LRIG1: variants seen among roughly 807,000 people sequenced by gnomAD.
The protein encoded by LRIG1 is leucine-rich repeats and immunoglobulin-like domains protein 1.
A neutral mutation model predicts 99.2 loss-of-function variants in LRIG1; 48 were observed. The ratio of observed to expected loss-of-function variants is 0.48; its 90% confidence interval spans 0.38 to 0.62. LRIG1 has a LOEUF of 0.62. Among genes scored for constraint, LRIG1 ranks in the 20% least tolerant of loss-of-function variants. LRIG1 has a pLI of 0.00. For missense variants in LRIG1, 1,646 were observed against 1,434.4 expected, an observed-to-expected ratio of 1.15 and a Z score of -2.38; for synonymous variants, 772 against 596.1, an observed-to-expected ratio of 1.29 and a Z score of -4.30.
At chr3:66,464,629 T>C (rs571558114) in intron 1 of LRIG1, among the ~76,000 whole-genome samples, 1 of 152,194 alleles carries the variant, frequency 6.6e-6, no homozygotes, top group African/African-American at 2.4e-5. Context: ...AAAGGGAACA[T>C]ATGTTTCTGG....
chr3:66,427,652 A>T (rs570169911), intron 3 of LRIG1, among the ~76,000 whole-genome samples: 134 of 152,306 alleles, frequency 8.8e-4, no homozygotes, highest in African/African-American at 1.9e-3. Context: ...AATTTTTTTT[A>T]AAATTGCAGC....
At chr3:66,412,838 C>A in intron 6 of LRIG1, 33 bp downstream of exon 6, 1 of 1,612,474 alleles carries the variant, frequency 6.2e-7, no homozygotes, top group East Asian at 2.2e-5. Context: ...CACAGCAATC[C>A]TTAGCAATGC....
At chr3:66,470,816 T>C (rs1352510534) in intron 1 of LRIG1, among the ~76,000 whole-genome samples, 1 of 152,218 alleles carries the variant, frequency 6.6e-6, no homozygotes, top group Non-Finnish European at 1.5e-5. Context: ...GATTCTAGGA[T>C]CTTTCCTACC....
At chr3:66,381,373 A>G in intron 17 of LRIG1, 106 bp downstream of exon 17, 1 of 1,143,676 alleles carries the variant, frequency 8.7e-7, no homozygotes, top group Non-Finnish European at 1.3e-6. Flanking sequence ...CCAAATTTGG[A>G]GACAGCTGTG....
In LRIG1 at chr3:66,383,028, G is replaced by C; in HGVS notation, c.2445C>G (p.Ile815Met). 6.2e-7 allele frequency: 1 copy of C among 1,614,190 alleles called. No individual in the cohort carries two copies. ...VLTSLVWVCI[I>M]YQTRKKSEEY... ...CTTCACTCTTCTTCCTGGTCTGGTA[G>C]ATGATGCACACCCAGACCAGTGACG... The change falls in exon 15 of 19, where the codon ATC becomes ATG. Residue 815 changes from isoleucine to methionine, a missense_variant. Coordinates refer to ENST00000273261, the MANE Select transcript of LRIG1 (RefSeq NM_015541.3).
chr3:66,400,408 AC>A (rs1449642945), intron 9 of LRIG1, among the ~76,000 whole-genome samples: 1 of 152,242 alleles, frequency 6.6e-6, no homozygotes, highest in African/African-American at 2.4e-5. Flanking sequence ...GGCAGTGCTG[AC>A]CATCAGCTTC....
rs745420998 is a variant in LRIG1, at chr3:66,381,512, T to C, written c.2737A>G (p.Lys913Glu). The change falls in exon 17 of 19, where the codon AAA becomes GAA. Residue 913 changes from lysine (K) to glutamate (E), a missense_variant. By Grantham distance (56) the Lys-to-Glu change is moderately conservative. Transcript: ENST00000273261. ...TGTGGCCCAGGTGTCCCTTCAGCTTTCTCCATCGCTTTCCACGGCTCTTTG... is the reference window on the plus strand; with the variant it reads ...TGTGGCCCAGGTGTCCCTTCAGCTTCCTCCATCGCTTTCCACGGCTCTTTG... ...YHKEPWKAME[K>E]AEGTPGPHKM... is the part of the protein sequence containing the mutation. The C allele has an allele frequency of 6.2e-7, 1 of 1,613,924 alleles. No individual in the cohort carries two copies. The highest frequency in any genetic ancestry group is 8.5e-7 in the Non-Finnish European group (1 of 1,179,844).
rs768740259 is a variant in LRIG1, at chr3:66,500,329, G to C, written c.79C>G (p.Arg27Gly). ...GCCGCGGCGGTCACCGGCTCCAGCC[G>C]AAGCAAAAGCAGCCAGAGAAGGAGA... ...CLLLLWLLLL[R>G]LEPVTAAAGP... is the part of the protein sequence containing the mutation. The change falls in exon 1 of 19, where the codon CGG (arginine) becomes GGG (glycine). Residue 27 changes from arginine to glycine, a missense_variant. Physicochemically the swap from Arg to Gly is moderately radical, Grantham distance 125. Transcript: ENST00000273261. 12 of 1,495,124 alleles carry C rather than the reference G, an allele frequency of 8.0e-6. No individual in the cohort carries two copies. The highest frequency in any genetic ancestry group is 9.8e-6 in the Non-Finnish European group (11 of 1,128,132). The allele number at this position is 1,495,124 out of a possible 1,614,324, so 92.6% of individuals were successfully genotyped here.
intron 1 of LRIG1, among the ~76,000 whole-genome samples, chr3:66,476,535 T>A (rs952990877): frequency 2.3e-4 from 35 of 152,190 alleles, no homozygotes; most frequent in African/African-American, 8.4e-4. Context: ...AGTCTCTTCC[T>A]ATCTCTCAAA....
chr3:66,483,184 G>A (rs540376861), intron 1 of LRIG1, among the ~76,000 whole-genome samples: 1 of 152,214 alleles, frequency 6.6e-6, no homozygotes, highest in South Asian at 2.1e-4. Context: ...AACATGTGAG[G>A]CTGAGCTCAT....
At position 66,383,271 on chromosome 3, in the gene LRIG1, G is replaced by A. The variant is rs1222715755; in HGVS notation, c.2202C>T (p.Ser734=). The A allele has an allele frequency of 1.9e-6, 3 of 1,613,982 alleles. No individual in the cohort carries two copies. The highest frequency in any genetic ancestry group is 1.7e-5 in the Admixed American group (1 of 60,032). The change falls in exon 15 of 19, where the codon AGC becomes AGT. Residue 734 remains serine (S), a synonymous_variant. Coordinates refer to ENST00000273261, the MANE Select transcript of LRIG1 (RefSeq NM_015541.3). ...ITWFKGDRPL[S]LTERHHLTPD... ...GGGTCAAGTGGTGCCGCTCAGTGAG[G>A]CTCAGCGGGCGGTCCCCCTTGAACC...
intron 3 of LRIG1, among the ~76,000 whole-genome samples, chr3:66,425,690 C>T (rs538935286): frequency 1.0e-3 from 155 of 152,272 alleles, no homozygotes; most frequent in African/African-American, 3.5e-3. Context: ...AGTGATTCTG[C>T]ACTTATGGGG....
intron 3 of LRIG1, among the ~76,000 whole-genome samples, chr3:66,426,506 T>G (rs1417310132): frequency 6.6e-6 from 1 of 152,228 alleles, no homozygotes; most frequent in Admixed American, 6.5e-5. Context: ...TTTAACCACC[T>G]GCAAAATAAG....
chr3:66,403,791 C>A (rs961793790), intron 9 of LRIG1, among the ~76,000 whole-genome samples: 1 of 152,222 alleles, frequency 6.6e-6, no homozygotes, highest in Admixed American at 6.5e-5. Flanking sequence ...CACGAGGAAC[C>A]TGGCAGTGCT....
intron 1 of LRIG1, among the ~76,000 whole-genome samples, chr3:66,487,765 T>C (rs1423127427): frequency 6.6e-6 from 1 of 152,172 alleles, no homozygotes; most frequent in African/African-American, 2.4e-5. Flanking sequence ...GGTGGGAACA[T>C]CATTTGGCCT....
Position 66,386,063 on chromosome 3 carries a change from G to T in LRIG1, c.1707C>A (p.Phe569Leu). 6.2e-7 allele frequency: 1 copy of T among 1,614,204 alleles called. No individual in the cohort carries two copies. Among genetic ancestry groups the T allele is most frequent in the Non-Finnish European group, 8.5e-7 (1 of 1,180,040 alleles). Residue 569 changes from phenylalanine to leucine, a missense_variant, in exon 13 of 19, where the codon TTC (phenylalanine) becomes TTA (leucine). Phe to Leu is a conservative substitution (Grantham distance 22). Transcript: ENST00000273261. ...CACATTGGTAGCGGCCCTCGTGCCCGAAAGTGACCTGACGGAGGTGCAGGA... is the reference window on the plus strand; with the variant it reads ...CACATTGGTAGCGGCCCTCGTGCCCTAAAGTGACCTGACGGAGGTGCAGGA... ...TTILHLRQVT[F>L]GHEGRYQCVI... is the part of the protein sequence containing the mutation.
chr3:66,495,628 G>T (rs1228013929), intron 1 of LRIG1, among the ~76,000 whole-genome samples: 1 of 152,204 alleles, frequency 6.6e-6, no homozygotes, highest in Non-Finnish European at 1.5e-5. Context: ...TCAATTCAAT[G>T]AATCCCTCTT....
At position 66,462,867 on chromosome 3, in the gene LRIG1, T is replaced by C. The variant is rs193151171; in HGVS notation, c.219-358A>G. ...AAGTACAAGGCTATTCTTAACGGCA[T>C]TTTTTTAAATTAATGTTTTAGTAGC... On this transcript the variant is annotated intron_variant, in intron 1 of 18. Transcript: ENST00000273261. Among the ~76,000 whole-genome samples the C allele has an allele frequency of 1.1e-4, 16 of 152,234 alleles. 1 individual carries two copies. The highest frequency in any genetic ancestry group is 1.0e-3 in the Admixed American group (16 of 15,282).
chr3:66,395,270 G>A (rs1701802144), intron 11 of LRIG1, among the ~76,000 whole-genome samples: 1 of 152,166 alleles, frequency 6.6e-6, no homozygotes. Context: ...TGCAGGCCAA[G>A]AGCACGACTT....
Sources: gnomAD v4.1 joint callset for allele counts (sites outside exome capture counted in the v4.1 genomes callset) on GRCh38, gnomAD v4.1.1 for gene constraint, MANE v1.5 for transcripts, NCBI Gene and HGNC (gene_info 2026-07-23, HGNC 2026-07-21) for gene names.